NFIA: variants seen among roughly 807,000 people sequenced by gnomAD.
The protein encoded by NFIA is nuclear factor I A.
Under a neutral mutation model 62.8 loss-of-function variants are expected in NFIA, and 8 were observed. That is an observed-to-expected ratio of 0.13 (90% CI 0.07 to 0.23). The LOEUF is 0.23. Ranked by LOEUF, NFIA falls within the 10% of genes least tolerant of loss-of-function variation. The probability of loss-of-function intolerance (pLI) is 1.00; values close to 1 mark genes in which losing one functional copy is unlikely to be tolerated. For synonymous variants in NFIA, 235 were observed against 238.1 expected, an observed-to-expected ratio of 0.99 and a Z score of 0.12; for missense variants, 410 against 642.1, an observed-to-expected ratio of 0.64 and a Z score of 3.91.
intron 2 of NFIA, among the ~76,000 whole-genome samples, chr1:61,206,139 T>C (rs1652885047): frequency 6.6e-6 from 1 of 152,112 alleles, no homozygotes; most frequent in Non-Finnish European, 1.5e-5. Flanking sequence ...CAGGCTTATT[T>C]TGCAGACATT....
At chr1:61,243,559 TC>T (rs1407567133) in intron 2 of NFIA, among the ~76,000 whole-genome samples, 2 of 152,194 alleles carry the variant, frequency 1.3e-5, no homozygotes, top group South Asian at 2.1e-4. Flanking sequence ...TTGTTTTTTT[TC>T]TATTACATAT....
intron 6 of NFIA, among the ~76,000 whole-genome samples, chr1:61,381,566 C>G (rs1348354371): frequency 1.3e-5 from 2 of 152,168 alleles, no homozygotes; most frequent in Non-Finnish European, 2.9e-5. Flanking sequence ...ACATACCACT[C>G]TATGTTGTAC....
At chr1:61,304,355 G>T (rs1659646457) in intron 3 of NFIA, among the ~76,000 whole-genome samples, 1 of 152,180 alleles carries the variant, frequency 6.6e-6, no homozygotes, top group African/African-American at 2.4e-5. Flanking sequence ...TTTATTTGAG[G>T]TTGTCCTCTA....
chr1:61,080,466 G>C (rs1303456865), upstream of NFIA, among the ~76,000 whole-genome samples: 2 of 152,176 alleles, frequency 1.3e-5, no homozygotes, highest in African/African-American at 2.4e-5. Context: ...TACACACTCT[G>C]AACAATAACT....
At chr1:61,257,072 ATAAT>A (rs1220148080) in intron 2 of NFIA, among the ~76,000 whole-genome samples, 2 of 152,092 alleles carry the variant, frequency 1.3e-5, no homozygotes, top group Non-Finnish European at 2.9e-5. Flanking sequence ...AAATTCGCAA[ATAAT>A]TAGTTTCTTT....
chr1:61,410,111 G>A (rs1666031578), intron 9 of NFIA, among the ~76,000 whole-genome samples: 1 of 152,134 alleles, frequency 6.6e-6, no homozygotes, highest in African/African-American at 2.4e-5. Flanking sequence ...TGAGGGAAAG[G>A]TAAACAGGCA....
intron 2 of NFIA, among the ~76,000 whole-genome samples, chr1:61,093,670 T>G (rs1646362160): frequency 6.6e-6 from 1 of 152,190 alleles, no homozygotes; most frequent in African/African-American, 2.4e-5. Context: ...TGGAATGTAG[T>G]GCAAAAGATG....
At chr1:61,293,197 T>G (rs953809910) in intron 3 of NFIA, among the ~76,000 whole-genome samples, 1 of 152,232 alleles carries the variant, frequency 6.6e-6, no homozygotes, top group Admixed American at 6.5e-5. Context: ...CCTCTCCTTG[T>G]TCTTCTTTAG....
chr1:61,369,147 G>A (rs369330623), intron 6 of NFIA, among the ~76,000 whole-genome samples: 3 of 152,130 alleles, frequency 2.0e-5, no homozygotes, highest in South Asian at 2.1e-4. Flanking sequence ...TATCAGAGTC[G>A]AATCTTACTC....
At chr1:61,163,069 G>C (rs1381393032) in intron 2 of NFIA, among the ~76,000 whole-genome samples, 1 of 152,010 alleles carries the variant, frequency 6.6e-6, no homozygotes, top group East Asian at 1.9e-4. Context: ...GAACTTAACT[G>C]TACCAGGTCA....
intron 2 of NFIA, among the ~76,000 whole-genome samples, chr1:61,126,462 A>ACACACACACACACACTCT (rs35045816): frequency 0.029 from 4,290 of 145,912 alleles, 98 homozygotes; most frequent in Non-Finnish European, 0.041. Flanking sequence ...ACACACACAC[A>ACACACACACACACACTCT]CACACACACA....
At chr1:61,149,649 T>A (rs895913881) in intron 2 of NFIA, among the ~76,000 whole-genome samples, 3 of 152,136 alleles carry the variant, frequency 2.0e-5, no homozygotes, top group Non-Finnish European at 4.4e-5. Flanking sequence ...GTCAGATGGG[T>A]GTGATTCAAA....
intron 3 of NFIA, among the ~76,000 whole-genome samples, chr1:61,327,866 T>C (rs575410717): frequency 3.8e-3 from 583 of 152,336 alleles, no homozygotes; most frequent in Middle Eastern, 6.8e-3. Flanking sequence ...ATGGTACTTA[T>C]TCTTACCAGC....
intron 10 of NFIA, among the ~76,000 whole-genome samples, chr1:61,438,107 T>C (rs1321018954): frequency 6.6e-6 from 1 of 152,126 alleles, no homozygotes; most frequent in Non-Finnish European, 1.5e-5. Flanking sequence ...GGTACCTTCC[T>C]CTTCTGGGCA....
At chr1:61,439,282 GAGA>G (rs2100572034) in intron 10 of NFIA, among the ~76,000 whole-genome samples, 1 of 152,186 alleles carries the variant, frequency 6.6e-6, no homozygotes, top group East Asian at 1.9e-4. Context: ...ATTGTTACAA[GAGA>G]AGAATAGAAA....
At chr1:61,389,921 C>T (rs1450479884) in intron 7 of NFIA, among the ~76,000 whole-genome samples, 1 of 152,110 alleles carries the variant, frequency 6.6e-6, no homozygotes, top group Admixed American at 6.5e-5. Flanking sequence ...CTATTACTAT[C>T]TGGGGACCCA....
At chr1:61,113,602 A>AAG (rs1355139436) in intron 2 of NFIA, among the ~76,000 whole-genome samples, 1 of 149,628 alleles carries the variant, frequency 6.7e-6, no homozygotes, top group African/African-American at 2.5e-5. Flanking sequence ...CTCAGAAAAA[A>AAG]AAAAAAAAAA....
chr1:61,342,905 C>T (rs1292245510), intron 4 of NFIA, among the ~76,000 whole-genome samples: 1 of 152,178 alleles, frequency 6.6e-6, no homozygotes, highest in East Asian at 1.9e-4. Context: ...CGTAGTTTCT[C>T]ATTTCTAAAT....
At chr1:61,319,832 CA>C (rs1163466838) in intron 3 of NFIA, among the ~76,000 whole-genome samples, 14 of 129,880 alleles carry the variant, frequency 1.1e-4, no homozygotes, top group Non-Finnish European at 2.2e-4. Flanking sequence ...CACACACACA[CA>C]CACCAACTTT....
Sources: gnomAD v4.1 joint callset for allele counts (sites outside exome capture counted in the v4.1 genomes callset) on GRCh38, gnomAD v4.1.1 for gene constraint, MANE v1.5 for transcripts, NCBI Gene and HGNC (gene_info 2026-07-23, HGNC 2026-07-21) for gene names.